Variants in LANCL2 observed in about 807,000 individuals in gnomAD.
The protein encoded by LANCL2 is lanC-like protein 2.
LANCL2 carries 33 observed loss-of-function variants against 56.9 expected under a neutral mutation model. The observed-to-expected ratio is 0.58, with a 90% CI of 0.44 to 0.78. The LOEUF (loss-of-function observed/expected upper bound fraction) is 0.78, where lower values mean the gene tolerates loss of function less well. Among genes scored for constraint, LANCL2 ranks in the 30% least tolerant of loss-of-function variants. LANCL2 has a pLI of 0.00. For synonymous variants in LANCL2, 233 were observed against 228.2 expected (o/e 1.02, Z -0.19); for missense variants, 562 against 580.2 (o/e 0.97, Z 0.32).
intron 1 of LANCL2, among the ~76,000 whole-genome samples, chr7:55,386,858 G>A (rs1417054264): frequency 6.6e-6 from 1 of 152,184 alleles, no homozygotes; most frequent in Non-Finnish European, 1.5e-5. Context: ...TGGAATGTAG[G>A]ATATTGGACC....
intron 1 of LANCL2, 35 bp downstream of exon 1, chr7:55,366,264 G>T: frequency 7.0e-7 from 1 of 1,438,022 alleles, no homozygotes; most frequent in Non-Finnish European, 9.2e-7. Flanking sequence ...GGCGCCGGAG[G>T]GGGAGCGCGG....
At chr7:55,366,436 G>A (rs2128990363) in intron 1 of LANCL2, among the ~76,000 whole-genome samples, 1 of 152,356 alleles carries the variant, frequency 6.6e-6, no homozygotes, top group East Asian at 1.9e-4. Flanking sequence ...CCAGCAGTTC[G>A]GCCCTCCTGG....
intron 1 of LANCL2, 66 bp downstream of exon 1, chr7:55,366,295 C>A: frequency 7.4e-7 from 1 of 1,343,300 alleles, no homozygotes; most frequent in Non-Finnish European, 9.9e-7. Flanking sequence ...GTCCACCTTC[C>A]GCCAGGCGTG....
At chr7:55,399,445 G>T (rs1376010875) in intron 3 of LANCL2, among the ~76,000 whole-genome samples, 2 of 151,224 alleles carry the variant, frequency 1.3e-5, no homozygotes, top group Non-Finnish European at 2.9e-5. Flanking sequence ...CTGGGTTCAA[G>T]GGATTCTCCT....
chr7:55,391,899 C>G lies in LANCL2; in HGVS notation c.311C>G (p.Thr104Ser). 1 of 1,577,944 alleles carries G rather than the reference C, an allele frequency of 6.3e-7. No individual in the cohort carries two copies. The highest frequency in any genetic ancestry group is 2.2e-5 in the East Asian group (1 of 44,614). ...TADPHDCSAY[T>S]GWTGIALLYL... ...GATCCCCATGACTGCTCTGCTTATA[C>G]TGGCTGGACAGGTGAGGCTGTGGGG... Residue 104 changes from threonine to serine, a missense_variant, in exon 2 of 9, where the codon ACT (threonine) becomes AGT (serine). By Grantham distance (58) the Thr-to-Ser change is moderately conservative. Transcript: ENST00000254770.
chr7:55,366,086 G>A lies in LANCL2; in HGVS notation c.61G>A (p.Glu21Lys), dbSNP rs1277927018. 12 of 1,536,502 alleles carry A rather than the reference G, an allele frequency of 7.8e-6. No homozygotes were observed. The highest frequency in any genetic ancestry group is 2.5e-5 in the East Asian group (1 of 40,096). Residue 21 changes from glutamate to lysine, a missense_variant, in exon 1 of 9, where the codon GAA becomes AAA. By Grantham distance (56) the Glu-to-Lys change is moderately conservative. Transcript: ENST00000254770. ...CCTGGGAGGGGAGGCAGAAATGGAG[G>A]AACGGGCGTTCGTCAACCCCTTCCC... is the stretch of plus-strand genomic sequence containing the variant. The part of the protein sequence containing the change: ...LHLGGEAEME[E>K]RAFVNPFPDY...
Position 55,400,081 on chromosome 7 carries a change from G to T in LANCL2, c.655G>T (p.Val219Leu), listed in dbSNP as rs375166275. 6.2e-7 allele frequency: 1 copy of T among 1,607,946 alleles called. No homozygotes were observed. The highest frequency in any genetic ancestry group is 8.5e-7 in the Non-Finnish European group (1 of 1,176,052). The part of the protein sequence containing the change: ...YLNTEIGPGT[V>L]CESAIKEVVN... Reference sequence around the variant, plus strand: ...GAACACAGAGATAGGTCCAGGCACCGTGTGTGAGTCAGCTATTAAAGAGGT... The same window carrying T: ...GAACACAGAGATAGGTCCAGGCACCTTGTGTGAGTCAGCTATTAAAGAGGT... The change falls in exon 4 of 9, where the codon GTG becomes TTG. Residue 219 changes from valine to leucine, a missense_variant. Physicochemically the swap from Val to Leu is conservative, Grantham distance 32. Transcript: ENST00000254770.
chr7:55,386,437 G>A (rs762948846), intron 1 of LANCL2, among the ~76,000 whole-genome samples: 12 of 152,146 alleles, frequency 7.9e-5, no homozygotes, highest in East Asian at 1.9e-4. Context: ...CTGACTTCCC[G>A]CAACATGACT....
intron 6 of LANCL2, among the ~76,000 whole-genome samples, chr7:55,416,758 C>T (rs1790544180): frequency 6.6e-6 from 1 of 151,978 alleles, no homozygotes; most frequent in Admixed American, 6.6e-5. Context: ...TATCTTTTGA[C>T]TAATAGAGTT....
chr7:55,392,578 G>T (rs575964726), intron 2 of LANCL2, among the ~76,000 whole-genome samples: 1 of 139,652 alleles, frequency 7.2e-6, no homozygotes, highest in East Asian at 2.0e-4. Flanking sequence ...CAAATTCCTG[G>T]GCTCAAGCGA....
At chr7:55,429,597 C>G (rs1188999529) in intron 8 of LANCL2, among the ~76,000 whole-genome samples, 1 of 152,150 alleles carries the variant, frequency 6.6e-6, no homozygotes, top group African/African-American at 2.4e-5. Context: ...ACATGTTTTG[C>G]AGAAGATGAT....
At chr7:55,396,707 AC>A (rs1473683114) in intron 2 of LANCL2, among the ~76,000 whole-genome samples, 1 of 45,316 alleles carries the variant, frequency 2.2e-5, no homozygotes, top group African/African-American at 8.8e-5. Flanking sequence ...AAGCATGATG[AC>A]CTTTTTTTTT....
At chr7:55,370,666 G>A (rs375295485) in intron 1 of LANCL2, among the ~76,000 whole-genome samples, 19 of 152,218 alleles carry the variant, frequency 1.2e-4, no homozygotes, top group African/African-American at 4.6e-4. Flanking sequence ...AGGCTTTTTA[G>A]ACTAAAATGA....
At chr7:55,372,009 A>G (rs1789949100) in intron 1 of LANCL2, among the ~76,000 whole-genome samples, 1 of 152,160 alleles carries the variant, frequency 6.6e-6, no homozygotes, top group African/African-American at 2.4e-5. Flanking sequence ...TTCCTCAAAG[A>G]TTGTTAGAAA....
chr7:55,391,473 G>A (rs138799309), intron 1 of LANCL2, among the ~76,000 whole-genome samples: 3 of 150,906 alleles, frequency 2.0e-5, no homozygotes, highest in Non-Finnish European at 3.0e-5. Context: ...TCTTTCTGAT[G>A]TTCTTGATCT....
intron 6 of LANCL2, among the ~76,000 whole-genome samples, chr7:55,416,968 G>GTTTT (rs1562868498): frequency 9.2e-6 from 1 of 109,076 alleles, no homozygotes; most frequent in African/African-American, 3.5e-5. Flanking sequence ...CAAACGAGGT[G>GTTTT]GTTTTTTTTT....
rs577192158 is a variant in LANCL2, at chr7:55,433,616, T to G, written c.*2296T>G. 1 of 152,368 alleles carries G rather than the reference T, an allele frequency of 6.6e-6. No individual in the cohort carries two copies. The highest frequency in any genetic ancestry group is 2.4e-5 in the African/African-American group (1 of 41,586). 9.4% of individuals were successfully genotyped at this position (152,368 alleles called of 1,614,324 possible). A position where few individuals can be genotyped will look rare whatever the true frequency, so the allele number is the denominator to read the frequency against. On this transcript the variant is annotated 3_prime_UTR_variant, in exon 9 of 9. Transcript: ENST00000254770. ...TGTGTTCTCTAAAATGTGTCTAAAT[T>G]TTAAAAATATGTACATGCATAATGT...
At chr7:55,403,462 G>C (rs887107708) in intron 5 of LANCL2, among the ~76,000 whole-genome samples, 7 of 151,910 alleles carry the variant, frequency 4.6e-5, no homozygotes, top group Non-Finnish European at 2.9e-5. Context: ...AGGGAGAGGA[G>C]GGAGAGGGAG....
chr7:55,430,364 A>C (rs1052391195), intron 8 of LANCL2, among the ~76,000 whole-genome samples: 1 of 152,174 alleles, frequency 6.6e-6, no homozygotes, highest in African/African-American at 2.4e-5. Context: ...AAGGAGCCAG[A>C]TACAAGGGCT....
Sources: allele counts gnomAD v4.1 joint callset (sites outside exome capture counted in the v4.1 genomes callset), GRCh38; gene constraint gnomAD v4.1.1; transcripts MANE v1.5; gene names NCBI Gene and HGNC (gene_info 2026-07-23, HGNC 2026-07-21).